BRPF3: variants seen among roughly 807,000 people sequenced by gnomAD.
BRPF3 encodes the protein bromodomain and PHD finger containing 3, also known as bromodomain and PHD finger-containing protein 3.
A neutral mutation model predicts 102.0 loss-of-function variants in BRPF3; 18 were observed. The ratio of observed to expected loss-of-function variants is 0.18; its 90% CI spans 0.12 to 0.26. The LOEUF (loss-of-function observed/expected upper bound fraction) is 0.26. BRPF3 is among the 10% of genes least tolerant of loss of function. The pLI, the probability that BRPF3 is intolerant of heterozygous loss-of-function variation, is 1.00. For synonymous variants in BRPF3, 570 were observed against 614.2 expected (o/e 0.93, Z 1.06); for missense variants, 1,147 against 1,567.8 (o/e 0.73, Z 4.53).
In BRPF3 at chr6:36,210,477, C is replaced by G. The variant is rs145441430; in HGVS notation, c.2128C>G (p.Leu710Val). 2.8e-4 allele frequency: 445 copies of G among 1,604,606 alleles called. 1 individual carries two copies. Among genetic ancestry groups the G allele is most frequent in the Non-Finnish European group, 9.1e-5 (107 of 1,179,588 alleles). ...CTATGACCCCGAGAGGGGCACTCACCTGCCCGAGTCACCCAAATTGGAAGA... is the reference window on the plus strand; with the variant it reads ...CTATGACCCCGAGAGGGGCACTCACGTGCCCGAGTCACCCAAATTGGAAGA... ...IGYDPERGTH[L>V]PESPKLEDFY... Residue 710 changes from leucine (L) to valine (V), a missense_variant, in exon 6 of 13, where the codon CTG (leucine) becomes GTG (valine). Coordinates refer to ENST00000357641, the MANE Select transcript of BRPF3 (RefSeq NM_015695.3). The surrounding 1 kb of genome is among the most constrained non-coding windows in gnomAD (Gnocchi z 4.7).
At chr6:36,226,314 G>T (rs1277383604) in intron 11 of BRPF3, among the ~76,000 whole-genome samples, 1 of 152,144 alleles carries the variant, frequency 6.6e-6, no homozygotes. Context: ...TTTCATTTCT[G>T]TCATAGTAGT....
Position 36,201,421 on chromosome 6 carries a change from G to T in BRPF3, c.1099G>T (p.Glu367Ter). ...CTTCATGAAGATTGAGCCCATGCGC[G>T]AAACCAGCCTCAATGGCACCATCTT... ...GLFMKIEPMRETSLNGTIFTV... is the reference protein window; with the variant it reads ...GLFMKIEPMR Residue 367 changes from glutamate to a stop codon, truncating the protein, a stop_gained, in exon 2 of 13, where the codon GAA becomes TAA. Coordinates refer to ENST00000357641, the MANE Select transcript of BRPF3 (RefSeq NM_015695.3). LOFTEE classifies it high-confidence loss of function. This position sits in a 1 kb window ranked among gnomAD's most constrained non-coding sequence, Gnocchi z 5.1. The T allele has an allele frequency of 6.2e-7, 1 of 1,614,178 alleles. No homozygotes were observed. Among genetic ancestry groups the T allele is most frequent in the Non-Finnish European group, 8.5e-7 (1 of 1,180,042 alleles).
intron 8 of BRPF3, among the ~76,000 whole-genome samples, chr6:36,217,584 G>A (rs1290382101): frequency 6.6e-6 from 1 of 152,218 alleles, no homozygotes; most frequent in Non-Finnish European, 1.5e-5. Flanking sequence ...AAGGACTTGT[G>A]AGCCAGCCAG....
At position 36,200,787 on chromosome 6, in the gene BRPF3, C is replaced by T; in HGVS notation, c.465C>T (p.Asp155=). The change falls in exon 2 of 13, where the codon GAC becomes GAT. Residue 155 remains aspartate, a synonymous_variant. Coordinates refer to ENST00000357641, the MANE Select transcript of BRPF3 (RefSeq NM_015695.3). The surrounding 1 kb of genome is among the most constrained non-coding windows in gnomAD (Gnocchi z 5.3). ...PEDLDAEVEY[D]MDEEDLAWLD... Reference sequence around the variant, plus strand: ...ACCTGGATGCAGAGGTAGAGTATGACATGGATGAGGAGGACCTTGCCTGGC... The same window carrying T: ...ACCTGGATGCAGAGGTAGAGTATGATATGGATGAGGAGGACCTTGCCTGGC... 6.2e-7 allele frequency: 1 copy of T among 1,614,124 alleles called. No homozygotes were observed. Among genetic ancestry groups the T allele is most frequent in the Non-Finnish European group, 8.5e-7 (1 of 1,180,038 alleles).
At chr6:36,215,574 T>C (rs551666232) in intron 8 of BRPF3, among the ~76,000 whole-genome samples, 13 of 152,326 alleles carry the variant, frequency 8.5e-5, no homozygotes, top group Middle Eastern at 6.8e-3. Flanking sequence ...TATGTTGTTA[T>C]TTGTCAGGTG....
At chr6:36,206,649 A>G (rs1018365166) in intron 3 of BRPF3, among the ~76,000 whole-genome samples, 1 of 151,982 alleles carries the variant, frequency 6.6e-6, no homozygotes, top group Non-Finnish European at 1.5e-5. Context: ...CTTCCTTACT[A>G]CTTTGCCCAT....
chr6:36,218,804 G>C (rs1768426631), intron 9 of BRPF3, among the ~76,000 whole-genome samples: 1 of 152,110 alleles, frequency 6.6e-6, no homozygotes, highest in Non-Finnish European at 1.5e-5. Context: ...CTCTTCTGCT[G>C]TCCTTGAGCT....
chr6:36,198,758 C>T (rs1006876090), intron 1 of BRPF3, among the ~76,000 whole-genome samples: 87 of 152,276 alleles, frequency 5.7e-4, no homozygotes, highest in African/African-American at 2.0e-3. Context: ...CTGCCCACAC[C>T]ATGGGGCCCT....
chr6:36,197,788 C>T (rs1209788573), intron 1 of BRPF3, among the ~76,000 whole-genome samples: 1 of 152,186 alleles, frequency 6.6e-6, no homozygotes, highest in Non-Finnish European at 1.5e-5. Flanking sequence ...CTTTTCATTT[C>T]CCTCATCAGC....
chr6:36,201,516 C>A lies in BRPF3; in HGVS notation c.1194C>A (p.Gly398=). 1 of 1,614,018 alleles carries A rather than the reference C, an allele frequency of 6.2e-7. No individual in the cohort carries two copies. Among genetic ancestry groups the A allele is most frequent in the Non-Finnish European group, 8.5e-7 (1 of 1,179,984 alleles). The change falls in exon 2 of 13, where the codon GGC becomes GGA. Residue 398 remains glycine (G), a synonymous_variant. Coordinates refer to ENST00000357641, the MANE Select transcript of BRPF3 (RefSeq NM_015695.3). This position sits in a 1 kb window ranked among gnomAD's most constrained non-coding sequence, Gnocchi z 5.1. ...PPGAATARRK[G]DSPRSISETG... is the part of the protein sequence containing the mutation. ...GTGCGGCCACTGCTAGGAGGAAGGG[C>A]GACTCCCCTAGAAGCATCAGTGAGA... is the stretch of plus-strand genomic sequence containing the variant.
rs1767718643 is a variant in BRPF3, at chr6:36,201,869, A to ATCC, written c.1448+106_1448+108dup. 2 of 1,468,456 alleles carry ATCC rather than the reference A, an allele frequency of 1.4e-6. No individual in the cohort carries two copies. Among genetic ancestry groups the ATCC allele is most frequent in the Non-Finnish European group, 1.8e-6 (2 of 1,099,846 alleles). The allele number at this position is 1,468,456 out of a possible 1,614,324, so 91.0% of individuals were successfully genotyped here. On this transcript the variant is annotated intron_variant, in intron 2 of 12. Transcript: ENST00000357641. This position sits in a 1 kb window ranked among gnomAD's most constrained non-coding sequence, Gnocchi z 5.1. ...TTCGCTAAACACAGTTGGACACTAT[A>ATCC]TCCTCCTCCCCGAATTTAAACTCTT...
At chr6:36,205,332 T>C (rs1307653580) in intron 3 of BRPF3, among the ~76,000 whole-genome samples, 1 of 152,248 alleles carries the variant, frequency 6.6e-6, no homozygotes, top group African/African-American at 2.4e-5. Context: ...ATTTTAACTC[T>C]TTAGTTCTTT....
chr6:36,222,057 A>G (rs1768563418), intron 9 of BRPF3, 111 bp from the exon 10 acceptor site: 1 of 1,032,662 alleles, frequency 9.7e-7, no homozygotes, highest in Admixed American at 2.2e-5. Context: ...TCCTCCCTGA[A>G]GAGTTTTTGC....
At chr6:36,228,807 C>T in intron 11 of BRPF3, 95 bp from the exon 12 acceptor site, 1 of 1,421,644 alleles carries the variant, frequency 7.0e-7, no homozygotes, top group Non-Finnish European at 9.8e-7. Flanking sequence ...CCTGATACTC[C>T]CCTGGTGTGG....
intron 11 of BRPF3, 100 bp downstream of exon 11, chr6:36,225,464 T>A: frequency 9.3e-7 from 1 of 1,074,360 alleles, no homozygotes. Context: ...AGTCAGAGTG[T>A]CTTTAGCTGT....
intron 10 of BRPF3, among the ~76,000 whole-genome samples, chr6:36,224,458 A>G (rs1322263103): frequency 2.0e-5 from 3 of 152,196 alleles, no homozygotes; most frequent in Non-Finnish European, 4.4e-5. Flanking sequence ...CTCCAGGGAT[A>G]CCCAGTCTCA....
At position 36,217,900 on chromosome 6, in the gene BRPF3, G is replaced by A. The variant is rs375952027; in HGVS notation, c.2990-17G>A. 218 of 1,610,928 alleles carry A rather than the reference G, an allele frequency of 1.4e-4. 1 individual carries two copies. The highest frequency in any genetic ancestry group is 1.8e-4 in the Non-Finnish European group (208 of 1,177,896). On this transcript the variant is annotated splice_polypyrimidine_tract_variant and intron_variant, in intron 8 of 12. Coordinates refer to ENST00000357641, the MANE Select transcript of BRPF3 (RefSeq NM_015695.3). ...GGGGATTTCTGCACTCAGACTCACTGTGTGTGTCCTTGGCAGGCATGACCA... is the reference window on the plus strand; with the variant it reads ...GGGGATTTCTGCACTCAGACTCACTATGTGTGTCCTTGGCAGGCATGACCA...
chr6:36,225,472 T>G, intron 11 of BRPF3, 108 bp downstream of exon 11: 7 of 975,654 alleles, frequency 7.2e-6, no homozygotes, highest in Non-Finnish European at 1.1e-5. Flanking sequence ...TGTCTTTAGC[T>G]GTAGAGGGGA....
In BRPF3 at chr6:36,230,554, T is replaced by G. The variant is rs901467824; in HGVS notation, c.3563T>G (p.Ile1188Ser). The G allele has an allele frequency of 2.5e-6, 4 of 1,614,162 alleles. No homozygotes were observed. The highest frequency in any genetic ancestry group is 3.4e-6 in the Non-Finnish European group (4 of 1,180,010). Residue 1188 changes from isoleucine (I) to serine (S), a missense_variant, in exon 13 of 13, where the codon ATC (isoleucine) becomes AGC (serine). Coordinates refer to ENST00000357641, the MANE Select transcript of BRPF3 (RefSeq NM_015695.3). This position sits in a 1 kb window ranked among gnomAD's most constrained non-coding sequence, Gnocchi z 5.4. Reference protein sequence around the residue: ...SVQVAYDRAMIHLSRVRGPHS... With the variant: ...SVQVAYDRAMSHLSRVRGPHS... ...CAGGTGGCCTATGACCGTGCGATGA[T>G]CCACCTGAGCAGAGTCCGGGGGCCC... is the stretch of plus-strand genomic sequence containing the variant.
Sources: allele counts gnomAD v4.1 joint callset (sites outside exome capture counted in the v4.1 genomes callset), GRCh38; gene constraint gnomAD v4.1.1; non-coding constraint Gnocchi (gnomAD v3.1); transcripts MANE v1.5; gene names NCBI Gene and HGNC (gene_info 2026-07-23, HGNC 2026-07-21).